The following LRRN4 variants were observed in gnomAD, a reference collection of about 807,000 sequenced individuals.
The protein encoded by LRRN4 is leucine-rich repeat neuronal protein 4.
A neutral mutation model predicts 22.3 loss-of-function variants in LRRN4; 26 were observed. The ratio of observed to expected loss-of-function variants is 1.16; its 90% confidence interval spans 0.85 to 1.62. LRRN4 has a LOEUF of 1.62. LRRN4 is among the 40% of genes most tolerant of loss of function. The pLI is 0.00. For synonymous variants in LRRN4, 496 were observed against 486.2 expected, an observed-to-expected ratio of 1.02 and a Z score of -0.26; for missense variants, 1,070 against 1,008.5, an observed-to-expected ratio of 1.06 and a Z score of -0.83.
chr20:6,042,275 C>T (rs1206846624), intron 4 of LRRN4, 29 bp from the exon 5 acceptor site: 2 of 1,579,378 alleles, frequency 1.3e-6, no homozygotes, highest in East Asian at 2.2e-5. Context: ...AGTTAGAAGA[C>T]GTCTGGCTTC....
At position 6,050,952 on chromosome 20, in the gene LRRN4, C is replaced by T. The variant is rs35182819; in HGVS notation, c.687G>A (p.Lys229=). The change falls in exon 3 of 5, where the codon AAG becomes AAA. Residue 229 remains lysine (K), a synonymous_variant. Coordinates refer to ENST00000378858, the MANE Select transcript of LRRN4 (RefSeq NM_152611.5). ...TCTTCCTCAGGTAGAGGGATGTGAG[C>T]TTCGGCAGGTCTCTGATCCACCCTG... is the stretch of plus-strand genomic sequence containing the variant. ...VESGWIRDLP[K]LTSLYLRKMP... is the part of the protein sequence containing the mutation. 2.5e-3 allele frequency: 4,043 copies of T among 1,614,068 alleles called. 92 individuals are homozygous for T. In the African/African-American group the frequency reaches 0.049, roughly 19 times the overall value.
chr20:6,052,923 C>G lies in LRRN4; in HGVS notation c.-5-119G>C. On this transcript the variant is annotated intron_variant, in intron 1 of 4. Transcript: ENST00000378858. ...GGAGGAGCACAGGCGCTGGATGTTC[C>G]CTGCAGGGCGGGGAGACGTTCCCAG... The G allele has an allele frequency of 2.8e-6, 3 of 1,084,168 alleles. No individual in the cohort carries two copies. The South Asian group carries it at 5.0e-5, about 18-fold the overall frequency. 67.2% of individuals were successfully genotyped at this position (1,084,168 alleles called of 1,614,324 possible).
intron 4 of LRRN4, among the ~76,000 whole-genome samples, chr20:6,043,442 G>A (rs1479131994): frequency 6.6e-6 from 1 of 151,782 alleles, no homozygotes; most frequent in Non-Finnish European, 1.5e-5. Context: ...ATAGTAGTAA[G>A]TAGGATGAAG....
Position 6,041,901 on chromosome 20 carries a change from C to T in LRRN4, c.1344G>A (p.Arg448=). ...AGHSNSSVFP[R]AASTTRTQHR... ...GCTGGGTCCTGGTGGTGCTGGCAGC[C>T]CTGGGGAAAACGCTGGAGTTGCTGT... The change falls in exon 5 of 5, where the codon AGG becomes AGA. Residue 448 remains arginine (R), a synonymous_variant. Transcript: ENST00000378858. This position sits in a 1 kb window ranked among gnomAD's most constrained non-coding sequence, Gnocchi z 9.4. 4 of 1,614,098 alleles carry T rather than the reference C, an allele frequency of 2.5e-6. No homozygotes were observed. The highest frequency in any genetic ancestry group is 3.4e-6 in the Non-Finnish European group (4 of 1,180,022).
Position 6,041,107 on chromosome 20 carries a change from C to T in LRRN4, c.2138G>A (p.Gly713Asp), listed in dbSNP as rs748750798. The T allele has an allele frequency of 1.9e-6, 3 of 1,612,614 alleles. No individual in the cohort carries two copies. The highest frequency in any genetic ancestry group is 2.5e-6 in the Non-Finnish European group (3 of 1,179,326). Residue 713 changes from glycine to aspartate, a missense_variant, in exon 5 of 5, where the codon GGC becomes GAC. By Grantham distance (94) the Gly-to-Asp change is moderately conservative. Coordinates refer to ENST00000378858, the MANE Select transcript of LRRN4 (RefSeq NM_152611.5). This position sits in a 1 kb window ranked among gnomAD's most constrained non-coding sequence, Gnocchi z 9.4. ...CAGGTGCGTGTCGCAGCGCTGCAGG[C>T]CCAGCGTCTGGCCCCGCCTGCAGAG... Reference protein sequence around the residue: ...ACLCRRGQTLGLQRCDTHLVA... With the variant: ...ACLCRRGQTLDLQRCDTHLVA...
At position 6,041,747 on chromosome 20, in the gene LRRN4, C is replaced by T. The variant is rs893654918; in HGVS notation, c.1498G>A (p.Gly500Ser). The T allele has an allele frequency of 6.2e-6, 10 of 1,613,680 alleles. No homozygotes were observed. Among genetic ancestry groups the T allele is most frequent in the South Asian group, 3.3e-5 (3 of 91,068 alleles). Reference protein sequence around the residue: ...WDRSISSPQPGQRTHATPQAP... With the variant: ...WDRSISSPQPSQRTHATPQAP... ...TGGGGTGTGGCGTGTGTCCTCTGGC[C>T]GGGCTGAGGCGAGCTTATGCTGCGG... is the stretch of plus-strand genomic sequence containing the variant. The change falls in exon 5 of 5, where the codon GGC (glycine) becomes AGC (serine). Residue 500 changes from glycine (G) to serine (S), a missense_variant. Gly to Ser is a moderately conservative substitution (Grantham distance 56, BLOSUM62 0). Transcript: ENST00000378858. The surrounding 1 kb of genome is among the most constrained non-coding windows in gnomAD (Gnocchi z 9.4).
Position 6,047,840 on chromosome 20 carries a change from C to T in LRRN4, c.860+2939G>A, listed in dbSNP as rs140038050. The stretch of plus-strand genomic sequence containing the variant: ...AGGCGTCACGAGACTGTCAAAAGGG[C>T]CCATAATATAAATGAAAATAAGACC... On this transcript the variant is annotated intron_variant, in intron 3 of 4. Transcript: ENST00000378858. 8.9e-3 allele frequency among the ~76,000 whole-genome samples: 1,348 copies of T among 151,248 alleles called. 17 individuals carry two copies. The highest frequency in any genetic ancestry group is 0.031 in the African/African-American group (1,288 of 41,188).
chr20:6,046,937 T>C (rs1048565084), intron 3 of LRRN4, among the ~76,000 whole-genome samples: 3 of 152,056 alleles, frequency 2.0e-5, no homozygotes, highest in Non-Finnish European at 4.4e-5. Context: ...GCTTTTCTTT[T>C]TCCCTGAAGT....
In LRRN4 at chr20:6,040,864, CCAGA is replaced by C; in HGVS notation, c.*154_*157del. ...AAGGGAGGGCAGCAGTTCCTTGGAC[CCAGA>C]CACTCAGTGTGGCAAGTTCCATGTG... On this transcript the variant is annotated 3_prime_UTR_variant, in exon 5 of 5. Transcript: ENST00000378858. 4.1e-6 allele frequency: 4 copies of C among 971,402 alleles called. No homozygotes were observed. The highest frequency in any genetic ancestry group is 6.0e-6 in the Non-Finnish European group (4 of 670,038). 60.2% of individuals were successfully genotyped at this position (971,402 alleles called of 1,614,324 possible). A position where few individuals can be genotyped will look rare whatever the true frequency, so the allele number is the denominator to read the frequency against.
At position 6,052,126 on chromosome 20, in the gene LRRN4, G is replaced by T. The variant is rs1322616131; in HGVS notation, c.655+19C>A. 11 of 1,575,818 alleles carry T rather than the reference G, an allele frequency of 7.0e-6. No homozygotes were observed. The highest frequency in any genetic ancestry group is 9.5e-6 in the Non-Finnish European group (11 of 1,161,876). On this transcript the variant is annotated intron_variant, in intron 2 of 4. Coordinates refer to ENST00000378858, the MANE Select transcript of LRRN4 (RefSeq NM_152611.5). ...CTCTGCGCTCAGGCCGGCTGAAAAC[G>T]CGGGGCGCCCGGACTCACCCCGTTC...
chr20:6,047,425 TAC>T (rs57188958), intron 3 of LRRN4, among the ~76,000 whole-genome samples: 25,934 of 127,846 alleles, frequency 0.2, 2,604 homozygotes, highest in East Asian at 0.32. Context: ...CAGACACACA[TAC>T]ACACACACAC....
rs1281154518 is a variant in LRRN4 at position 6,052,651 on chromosome 20, C to A, written c.149G>T (p.Gly50Val). Residue 50 changes from glycine (G) to valine (V), a missense_variant, in exon 2 of 5, where the codon GGG becomes GTG. Transcript: ENST00000378858. Reference protein sequence around the residue: ...GSNATDSPCEGLPAADATALT... With the variant: ...GSNATDSPCEVLPAADATALT... ...GGCCGTCGCATCCGCGGCGGGCAGC[C>A]CCTCGCAGGGCGAGTCGGTGGCGTT... The A allele has an allele frequency of 6.3e-7, 1 of 1,584,914 alleles. No homozygotes were observed. Among genetic ancestry groups the A allele is most frequent in the Non-Finnish European group, 8.5e-7 (1 of 1,173,344 alleles).
Position 6,052,559 on chromosome 20 carries a change from C to G in LRRN4, c.241G>C (p.Asp81His). 1.9e-6 allele frequency: 3 copies of G among 1,579,022 alleles called. No homozygotes were observed. The highest frequency in any genetic ancestry group is 1.3e-5 in the African/African-American group (1 of 74,628). Reference protein sequence around the residue: ...GCLPRTLRSLDASHNLLRALS... With the variant: ...GCLPRTLRSLHASHNLLRALS... ...GCGCGCAGCAGGTTGTGGCTGGCGTCGAGGCTGCGCAGTGTGCGCGGTAGG... is the reference window on the plus strand; with the variant it reads ...GCGCGCAGCAGGTTGTGGCTGGCGTGGAGGCTGCGCAGTGTGCGCGGTAGG... Residue 81 changes from aspartate to histidine, a missense_variant, in exon 2 of 5, where the codon GAC (aspartate) becomes CAC (histidine). Asp to His is a moderately conservative substitution (Grantham distance 81, BLOSUM62 -1). Transcript: ENST00000378858.
intron 3 of LRRN4, among the ~76,000 whole-genome samples, chr20:6,047,630 CAA>C (rs58451358): frequency 7.1e-6 from 1 of 141,268 alleles, no homozygotes; most frequent in African/African-American, 2.6e-5. Context: ...ACTAAAAATA[CAA>C]AAAAAAAAAA....
chr20:6,050,904 C>A lies in LRRN4; in HGVS notation c.735G>T (p.Glu245Asp), dbSNP rs1364560692. 1.7e-5 allele frequency: 28 copies of A among 1,614,038 alleles called. No individual in the cohort carries two copies. The highest frequency in any genetic ancestry group is 2.4e-5 in the Non-Finnish European group (28 of 1,180,036). Residue 245 changes from glutamate (E) to aspartate (D), a missense_variant, in exon 3 of 5, where the codon GAG becomes GAT. Coordinates refer to ENST00000378858, the MANE Select transcript of LRRN4 (RefSeq NM_152611.5). ...TGGGGGTCATCTTGAAAATGTCCCC[C>A]TCCAGGGTCGTCAGCCGAGGCATCT... The part of the protein sequence containing the change: ...LRKMPRLTTL[E>D]GDIFKMTPNL...
chr20:6,044,814 T>C (rs1981065288), intron 3 of LRRN4, 134 bp from the exon 4 acceptor site: 1 of 722,752 alleles, frequency 1.4e-6, no homozygotes, highest in Non-Finnish European at 2.0e-6. Flanking sequence ...AATACCGCTT[T>C]GGGCAAAACT....
chr20:6,052,708 G>A lies in LRRN4; in HGVS notation c.92C>T (p.Thr31Ile). ...PQEKVPLFRV[T>I]QQGPWGSSGS... ...ACTGCTCCCCCAGGGGCCCTGCTGAGTGACCCGGAAGAGCGGGACCTTCTC... is the reference window on the plus strand; with the variant it reads ...ACTGCTCCCCCAGGGGCCCTGCTGAATGACCCGGAAGAGCGGGACCTTCTC... The change falls in exon 2 of 5, where the codon ACT becomes ATT. Residue 31 changes from threonine (T) to isoleucine (I), a missense_variant. Coordinates refer to ENST00000378858, the MANE Select transcript of LRRN4 (RefSeq NM_152611.5). The A allele has an allele frequency of 6.4e-7, 1 of 1,571,462 alleles. No homozygotes were observed. The highest frequency in any genetic ancestry group is 8.6e-7 in the Non-Finnish European group (1 of 1,166,246).
intron 4 of LRRN4, among the ~76,000 whole-genome samples, chr20:6,044,069 T>C (rs929631573): frequency 6.6e-6 from 1 of 152,118 alleles, no homozygotes; most frequent in African/African-American, 2.4e-5. Context: ...TAAATGTGGC[T>C]CCTCACTGCA....
At chr20:6,049,386 T>C (rs1981191215) in intron 3 of LRRN4, among the ~76,000 whole-genome samples, 1 of 152,212 alleles carries the variant, frequency 6.6e-6, no homozygotes, top group Non-Finnish European at 1.5e-5. Context: ...GTGGCCATGT[T>C]GTCAACGTCA....
Sources: gnomAD v4.1 joint callset for allele counts (sites outside exome capture counted in the v4.1 genomes callset) on GRCh38, gnomAD v4.1.1 for gene constraint, Gnocchi (gnomAD v3.1) non-coding constraint, MANE v1.5 for transcripts, NCBI Gene and HGNC (gene_info 2026-07-23, HGNC 2026-07-21) for gene names.